The following MAML3 variants were observed in gnomAD, a reference collection of about 807,000 sequenced individuals.
MAML3 encodes the protein mastermind like transcriptional coactivator 3.
In MAML3, 27 loss-of-function variants were observed where a neutral mutation model predicts 101.9. That is an observed-to-expected ratio of 0.27 (90% CI 0.20 to 0.37). The LOEUF (loss-of-function observed/expected upper bound fraction) is 0.37. Among genes scored for constraint, MAML3 ranks in the 10% least tolerant of loss-of-function variants. The pLI is 1.00. For synonymous variants in MAML3, 501 were observed against 555.9 expected (o/e 0.90, Z 1.39); for missense variants, 1,316 against 1,444.9 (o/e 0.91, Z 1.45).
At chr4:140,114,017 T>A (rs978256834) in intron 1 of MAML3, among the ~76,000 whole-genome samples, 1 of 152,232 alleles carries the variant, frequency 6.6e-6, no homozygotes, top group South Asian at 2.1e-4. Context: ...TTCGTGCTAC[T>A]GATCATGCTG....
At chr4:140,136,631 A>C (rs897498841) in intron 1 of MAML3, among the ~76,000 whole-genome samples, 4 of 152,232 alleles carry the variant, frequency 2.6e-5, no homozygotes, top group Non-Finnish European at 5.9e-5. Flanking sequence ...CTTTATAGAC[A>C]TGGGCAGTGT....
chr4:140,010,659 T>A (rs189485054), intron 1 of MAML3, among the ~76,000 whole-genome samples: 54 of 152,244 alleles, frequency 3.5e-4, no homozygotes, highest in Admixed American at 2.0e-3. Context: ...AACAGTTTCA[T>A]AAGGTCTGCT....
chr4:139,822,987 T>TG (rs1298557529), intron 2 of MAML3, among the ~76,000 whole-genome samples: 1 of 152,182 alleles, frequency 6.6e-6, no homozygotes, highest in Non-Finnish European at 1.5e-5. Context: ...CAGCTGAAAT[T>TG]GTAGAACACA....
At chr4:140,109,093 G>C (rs968377579) in intron 1 of MAML3, among the ~76,000 whole-genome samples, 3 of 152,120 alleles carry the variant, frequency 2.0e-5, no homozygotes, top group Non-Finnish European at 2.9e-5. Flanking sequence ...TACACTTATT[G>C]TCTCAACATT....
chr4:139,825,685 C>T (rs538940428), intron 2 of MAML3, among the ~76,000 whole-genome samples: 40 of 151,672 alleles, frequency 2.6e-4, no homozygotes, highest in Non-Finnish European at 5.1e-4. Flanking sequence ...CAATTTGCAG[C>T]GCGAGGTACA....
chr4:140,127,116 A>T (rs1290980821), intron 1 of MAML3, among the ~76,000 whole-genome samples: 1 of 152,144 alleles, frequency 6.6e-6, no homozygotes, highest in Non-Finnish European at 1.5e-5. Context: ...TATGCTTCTG[A>T]GCGTGGCAGA....
At chr4:139,760,008 C>G (rs1263015158) in intron 2 of MAML3, among the ~76,000 whole-genome samples, 1 of 152,236 alleles carries the variant, frequency 6.6e-6, no homozygotes, top group East Asian at 1.9e-4. Context: ...TGATACTTCT[C>G]AACAACACGG....
intron 1 of MAML3, among the ~76,000 whole-genome samples, chr4:140,013,461 A>G (rs1011394068): frequency 6.6e-5 from 10 of 152,184 alleles, no homozygotes; most frequent in Non-Finnish European, 1.2e-4. Context: ...TGTTACCGCA[A>G]ATCCTATGTT....
At chr4:140,019,182 T>G (rs75859748) in intron 1 of MAML3, among the ~76,000 whole-genome samples, 4,996 of 152,110 alleles carry the variant, frequency 0.033, 279 homozygotes, top group African/African-American at 0.11. Flanking sequence ...TTTGGATATG[T>G]TTTTTCAGTT....
At chr4:139,959,021 A>AT (rs748487649) in intron 1 of MAML3, among the ~76,000 whole-genome samples, 2 of 151,728 alleles carry the variant, frequency 1.3e-5, no homozygotes, top group South Asian at 2.1e-4. Context: ...TTCTGAGACC[A>AT]TTTTTTCTAG....
At chr4:139,733,903 G>GC (rs1728824093) in intron 2 of MAML3, among the ~76,000 whole-genome samples, 1 of 152,146 alleles carries the variant, frequency 6.6e-6, no homozygotes, top group Non-Finnish European at 1.5e-5. Context: ...TGTTGCCCAA[G>GC]CTGGTCTTGA....
intron 2 of MAML3, among the ~76,000 whole-genome samples, chr4:139,856,569 C>T (rs1229144687): frequency 6.6e-6 from 1 of 152,188 alleles, no homozygotes; most frequent in East Asian, 1.9e-4. Context: ...ATACGTTGTA[C>T]TCAGGTAGTT....
intron 1 of MAML3, among the ~76,000 whole-genome samples, chr4:139,929,961 G>C (rs1021058161): frequency 1.3e-5 from 2 of 152,162 alleles, no homozygotes; most frequent in African/African-American, 4.8e-5. Context: ...AGAGGGGAAT[G>C]GGTCCTCACT....
At chr4:139,897,725 T>C (rs1732640050) in intron 1 of MAML3, among the ~76,000 whole-genome samples, 2 of 152,182 alleles carry the variant, frequency 1.3e-5, no homozygotes, top group South Asian at 4.1e-4. Context: ...AATCTGATCA[T>C]GCCCGTTCTT....
intron 2 of MAML3, among the ~76,000 whole-genome samples, chr4:139,808,603 G>C (rs2100506): frequency 6.6e-6 from 1 of 152,128 alleles, no homozygotes; most frequent in African/African-American, 2.4e-5. Context: ...CACATTATAG[G>C]ATACACAGCA....
intron 2 of MAML3, among the ~76,000 whole-genome samples, chr4:139,758,950 A>T (rs150563227): frequency 6.6e-6 from 1 of 152,356 alleles, no homozygotes; most frequent in East Asian, 1.9e-4. Flanking sequence ...TCTCTTGATG[A>T]GAATCTACAA....
intron 1 of MAML3, among the ~76,000 whole-genome samples, chr4:139,922,030 G>A (rs979339285): frequency 6.6e-5 from 10 of 152,148 alleles, no homozygotes; most frequent in African/African-American, 2.2e-4. Context: ...TCAGCATCAC[G>A]TGGAGGACAC....
At chr4:140,120,192 G>A (rs1192065829) in intron 1 of MAML3, among the ~76,000 whole-genome samples, 5 of 147,066 alleles carry the variant, frequency 3.4e-5, no homozygotes, top group East Asian at 2.0e-4. Context: ...AGCCAAGATC[G>A]CGCCACCGCA....
chr4:139,874,778 T>C (rs2111180292), intron 2 of MAML3, among the ~76,000 whole-genome samples: 1 of 151,598 alleles, frequency 6.6e-6, no homozygotes, highest in South Asian at 2.1e-4. Flanking sequence ...TCCTAATATC[T>C]CTATTGATTA....
Sources: allele counts gnomAD v4.1 joint callset (sites outside exome capture counted in the v4.1 genomes callset), GRCh38; gene constraint gnomAD v4.1.1; transcripts MANE v1.5; gene names NCBI Gene and HGNC (gene_info 2026-07-23, HGNC 2026-07-21).